The following LRRC37A2 variants were observed in gnomAD, a reference collection of about 807,000 sequenced individuals.
LRRC37A2 encodes leucine-rich repeat-containing protein 37A2.
A neutral mutation model predicts 68.8 loss-of-function variants in LRRC37A2; 9 were observed. That is an observed-to-expected ratio of 0.13 (90% confidence interval 0.08 to 0.23). The LOEUF (loss-of-function observed/expected upper bound fraction) is 0.23, where lower values mean the gene tolerates loss of function less well. Among genes scored for constraint, LRRC37A2 ranks in the 10% least tolerant of loss-of-function variants. The pLI, the probability that LRRC37A2 is intolerant of heterozygous loss-of-function variation, is 1.00. For synonymous variants in LRRC37A2, 63 were observed against 367.6 expected (o/e 0.17, Z 9.48); for missense variants, 168 against 950.4 (o/e 0.18, Z 10.82).
chr17:46,517,680 CTTT>C (rs1180779573), intron 3 of LRRC37A2, among the ~76,000 whole-genome samples: 1 of 706 alleles, frequency 1.4e-3, no homozygotes, highest in African/African-American at 0.015. Context: ...TTTTTGTTCT[CTTT>C]TTTTTTTTTT....
chr17:46,989,941 A>G, the LRRC37A2 span, among the ~76,000 whole-genome samples: 1 of 152,268 alleles, frequency 6.6e-6, no homozygotes, highest in African/African-American at 2.4e-5. Context: ...AGCTGAGCCC[A>G]AAACCCCACA....
chr17:47,001,526 A>G, the LRRC37A2 span, among the ~76,000 whole-genome samples: 2 of 152,122 alleles, frequency 1.3e-5, no homozygotes, highest in African/African-American at 4.8e-5. Context: ...TAAACTGCCT[A>G]GAGATTACAA....
the LRRC37A2 span, among the ~76,000 whole-genome samples, chr17:46,500,502 C>A: frequency 6.7e-6 from 1 of 149,844 alleles, no homozygotes; most frequent in East Asian, 2.0e-4. Flanking sequence ...ATTTTTGTGG[C>A]ACCTCCACTT....
At chr17:46,988,062 C>T in the LRRC37A2 span, among the ~76,000 whole-genome samples, 1 of 152,186 alleles carries the variant, frequency 6.6e-6, no homozygotes, top group East Asian at 1.9e-4. Flanking sequence ...GTCCCAGCTA[C>T]TCGGGAGGCT....
At chr17:46,779,006 G>T in the LRRC37A2 span, among the ~76,000 whole-genome samples, 758 of 150,278 alleles carry the variant, frequency 5.0e-3, 9 homozygotes, top group African/African-American at 0.018. Flanking sequence ...TCCAAGAAGA[G>T]AGGTAGTGGT....
the LRRC37A2 span, chr17:46,773,596 G>C: frequency 6.8e-7 from 1 of 1,463,522 alleles, no homozygotes; most frequent in Non-Finnish European, 9.2e-7. Context: ...CCCTGACTGG[G>C]GTGGAAGGGC....
At chr17:46,761,472 C>T in the LRRC37A2 span, among the ~76,000 whole-genome samples, 3 of 151,972 alleles carry the variant, frequency 2.0e-5, no homozygotes, top group Non-Finnish European at 4.4e-5. Context: ...GCTGGGACTA[C>T]AGGCATGCAC....
At chr17:46,749,983 C>T in the LRRC37A2 span, 1 of 1,485,892 alleles carries the variant, frequency 6.7e-7, no homozygotes, top group Non-Finnish European at 9.2e-7. Flanking sequence ...CCACATTATA[C>T]CTGGTGTTTG....
chr17:47,018,418 G>C, the LRRC37A2 span: 2 of 1,593,066 alleles, frequency 1.3e-6, no homozygotes, highest in Non-Finnish European at 8.6e-7. Context: ...GATTCACCCA[G>C]TGTCTCTGTG....
chr17:46,939,809 A>G, the LRRC37A2 span: 2 of 988,480 alleles, frequency 2.0e-6, no homozygotes, highest in East Asian at 1.1e-4. Flanking sequence ...TTCAGGCTGT[A>G]CTAATACCAG....
the LRRC37A2 span, chr17:47,017,402 A>G: frequency 2.7e-6 from 4 of 1,469,272 alleles, no homozygotes; most frequent in Non-Finnish European, 3.8e-6. Context: ...TCCCACGGGA[A>G]TCTCCCCATG....
the LRRC37A2 span, among the ~76,000 whole-genome samples, chr17:46,790,931 A>T: frequency 6.6e-6 from 1 of 152,200 alleles, no homozygotes; most frequent in Non-Finnish European, 1.5e-5. Flanking sequence ...CTGCAGCCTC[A>T]TGCGTCATCT....
the LRRC37A2 span, among the ~76,000 whole-genome samples, chr17:46,973,447 G>A: frequency 7.9e-5 from 12 of 152,240 alleles, no homozygotes; most frequent in South Asian, 1.7e-3. Flanking sequence ...ACAGGGATGA[G>A]CCACCACACC....
At chr17:46,978,589 C>T in the LRRC37A2 span, 3 of 1,529,610 alleles carry the variant, frequency 2.0e-6, no homozygotes, top group Admixed American at 2.1e-5. Context: ...GGCGAGGGTC[C>T]GGGTCTCCGG....
the LRRC37A2 span, among the ~76,000 whole-genome samples, chr17:47,022,181 TTTTTC>T: frequency 0.058 from 2,052 of 35,304 alleles, 423 homozygotes; most frequent in African/African-American, 0.11. Context: ...TTTTTTTTTT[TTTTTC>T]CAGAGACAGG....
the LRRC37A2 span, among the ~76,000 whole-genome samples, chr17:46,902,035 T>C: frequency 3.6e-4 from 55 of 152,244 alleles, no homozygotes; most frequent in African/African-American, 1.0e-3. Context: ...CTTAAACTCC[T>C]GACCTCAGGT....
the LRRC37A2 span, chr17:46,768,431 G>A: frequency 6.2e-7 from 1 of 1,614,064 alleles, no homozygotes; most frequent in Non-Finnish European, 8.5e-7. This position sits in a 1 kb window ranked among gnomAD's most constrained non-coding sequence, Gnocchi z 5.0. Flanking sequence ...TCCTCGTGTT[G>A]TGGCCCCGGC....
At chr17:46,917,880 A>T in the LRRC37A2 span, among the ~76,000 whole-genome samples, 1 of 152,250 alleles carries the variant, frequency 6.6e-6, no homozygotes, top group Non-Finnish European at 1.5e-5. Flanking sequence ...AGTGAGAAAT[A>T]GCACATTTGA....
the LRRC37A2 span, among the ~76,000 whole-genome samples, chr17:46,747,878 G>A: frequency 1.3e-5 from 2 of 152,214 alleles, no homozygotes; most frequent in East Asian, 1.9e-4. Context: ...CTGAATGATT[G>A]GAATTTCCAG....
Sources: allele counts gnomAD v4.1 joint callset (sites outside exome capture counted in the v4.1 genomes callset), GRCh38; gene constraint gnomAD v4.1.1; non-coding constraint Gnocchi (gnomAD v3.1); transcripts MANE v1.5; gene names NCBI Gene and HGNC (gene_info 2026-07-23, HGNC 2026-07-21).